RIMS1: variants seen among roughly 807,000 people sequenced by gnomAD.
RIMS1 encodes the protein regulating synaptic membrane exocytosis 1.
RIMS1 carries 83 observed loss-of-function variants against 214.1 expected under a neutral mutation model. The ratio of observed to expected loss-of-function variants is 0.39; its 90% CI spans 0.32 to 0.47. The LOEUF is 0.47. Ranked by LOEUF, RIMS1 falls within the 20% of genes least tolerant of loss-of-function variation. The pLI is 0.99. For missense variants in RIMS1, 2,050 were observed against 2,161.8 expected, an observed-to-expected ratio of 0.95 and a Z score of 1.03; for synonymous variants, 793 against 786.8, an observed-to-expected ratio of 1.01 and a Z score of -0.13.
In RIMS1 at chr6:72,082,897, G is replaced by A. The variant is rs528141284; in HGVS notation, c.246-14052G>A. Among the ~76,000 whole-genome samples the A allele has an allele frequency of 3.9e-5, 6 of 152,226 alleles. No individual in the cohort carries two copies. In the South Asian group the frequency reaches 1.0e-3, roughly 26 times the overall value. ...CATTGCACTTCTCATTTATTCCCTTGTGGCTCTGTGATTTCTGAGAAACAA... is the reference window on the plus strand; with the variant it reads ...CATTGCACTTCTCATTTATTCCCTTATGGCTCTGTGATTTCTGAGAAACAA... On this transcript the variant is annotated intron_variant, in intron 2 of 33. Transcript: ENST00000521978.
chr6:71,909,294 A>C (rs970530808), intron 1 of RIMS1, among the ~76,000 whole-genome samples: 3 of 152,206 alleles, frequency 2.0e-5, no homozygotes, highest in African/African-American at 4.8e-5. Flanking sequence ...CAAAGTGCCC[A>C]GCCTGCTGTT....
At chr6:72,388,241 A>G (rs1390304490) in intron 29 of RIMS1, among the ~76,000 whole-genome samples, 1 of 152,226 alleles carries the variant, frequency 6.6e-6, no homozygotes, top group Non-Finnish European at 1.5e-5. Context: ...CTTGAAGCAG[A>G]AATCTGAATA....
chr6:72,316,560 G>A (rs2095808730), intron 28 of RIMS1: 1 of 393,008 alleles, frequency 2.5e-6, no homozygotes, highest in Non-Finnish European at 4.9e-6. Flanking sequence ...CTGGGGATGG[G>A]AGGTGGAGGG....
intron 4 of RIMS1, among the ~76,000 whole-genome samples, chr6:72,173,365 G>A (rs1217902921): frequency 1.3e-5 from 2 of 150,736 alleles, no homozygotes; most frequent in African/African-American, 4.9e-5. Context: ...TCTCCATTCT[G>A]GGAATTTGTC....
At chr6:72,160,157 A>G (rs199992407) in intron 4 of RIMS1, among the ~76,000 whole-genome samples, 4 of 136,124 alleles carry the variant, frequency 2.9e-5, no homozygotes, top group African/African-American at 7.5e-5. Flanking sequence ...ATTGTGAATG[A>G]GAGTTCACTC....
intron 2 of RIMS1, among the ~76,000 whole-genome samples, chr6:71,994,043 G>A (rs1204955803): frequency 6.6e-6 from 1 of 152,124 alleles, no homozygotes; most frequent in Non-Finnish European, 1.5e-5. Flanking sequence ...CAAGAGCATT[G>A]TACTCTTAAG....
intron 1 of RIMS1, among the ~76,000 whole-genome samples, chr6:71,942,974 G>T (rs781294421): frequency 2.6e-5 from 4 of 151,932 alleles, no homozygotes; most frequent in Admixed American, 6.6e-5. Context: ...TACTAAAAGG[G>T]AAAGACATGT....
chr6:72,072,858 A>G (rs1297195054), intron 2 of RIMS1, among the ~76,000 whole-genome samples: 1 of 152,138 alleles, frequency 6.6e-6, no homozygotes, highest in African/African-American at 2.4e-5. Context: ...CATTCAACAA[A>G]TATTTATTGA....
At chr6:72,168,523 A>T (rs2046580326) in intron 4 of RIMS1, among the ~76,000 whole-genome samples, 1 of 152,022 alleles carries the variant, frequency 6.6e-6, no homozygotes, top group Admixed American at 6.6e-5. Flanking sequence ...AGCACTTGGG[A>T]GGGGAACATG....
chr6:72,152,838 GTATATATGGAATATATGTATATATATGTA>G (rs2043852398), intron 4 of RIMS1, among the ~76,000 whole-genome samples: 1 of 20,872 alleles, frequency 4.8e-5, no homozygotes, highest in Non-Finnish European at 7.7e-5. Context: ...GTATATATAT[GTATATATGGAATATATGTATATATATGTA>G]TATATATGGA....
chr6:72,108,903 A>G (rs2035380078), intron 4 of RIMS1, among the ~76,000 whole-genome samples: 1 of 126,224 alleles, frequency 7.9e-6, no homozygotes, highest in South Asian at 2.5e-4. Flanking sequence ...TCCTGTGTCC[A>G]TGTGTTCTCA....
chr6:72,247,160 G>A (rs113010060), intron 11 of RIMS1, among the ~76,000 whole-genome samples: 1 of 152,128 alleles, frequency 6.6e-6, no homozygotes, highest in Non-Finnish European at 1.5e-5. Flanking sequence ...GAACAGTGAA[G>A]AACTCCACCA....
chr6:72,088,615 T>C (rs991270964), intron 2 of RIMS1, among the ~76,000 whole-genome samples: 11 of 152,318 alleles, frequency 7.2e-5, no homozygotes, highest in Admixed American at 6.5e-5. Context: ...GTTGCTCTCA[T>C]AGAAGCTCTT....
chr6:72,115,469 A>G (rs1238405534), intron 4 of RIMS1, among the ~76,000 whole-genome samples: 2 of 151,940 alleles, frequency 1.3e-5, no homozygotes, highest in South Asian at 2.1e-4. Context: ...AGGTTTGTCA[A>G]TGCTCTGTAA....
In RIMS1 at chr6:72,258,229, G is replaced by A. The variant is rs763404266; in HGVS notation, c.2875G>A (p.Gly959Ser). 16 of 1,613,206 alleles carry A rather than the reference G, an allele frequency of 9.9e-6. No homozygotes were observed. Among genetic ancestry groups the A allele is most frequent in the African/African-American group, 1.3e-5 (1 of 74,864 alleles). Residue 959 changes from glycine to serine, a missense_variant, in exon 17 of 34, where the codon GGC becomes AGC. By Grantham distance (56) the Gly-to-Ser change is moderately conservative. Transcript: ENST00000521978. ...HRSRSVSPHRGNDQGKPRSRL... is the reference protein window; with the variant it reads ...HRSRSVSPHRSNDQGKPRSRL... Reference sequence around the variant, plus strand: ...CTCACGTTCAGTATCTCCTCATCGCGGCAATGATCAGGGAAAGCCGCGTTC... The same window carrying A: ...CTCACGTTCAGTATCTCCTCATCGCAGCAATGATCAGGGAAAGCCGCGTTC...
At chr6:71,959,066 G>T (rs1792141462) in intron 1 of RIMS1, among the ~76,000 whole-genome samples, 1 of 152,016 alleles carries the variant, frequency 6.6e-6, no homozygotes, top group Non-Finnish European at 1.5e-5. Context: ...GGAAAAAGAG[G>T]CCTGTGACCT....
At chr6:72,136,037 A>G (rs1177187686) in intron 4 of RIMS1, among the ~76,000 whole-genome samples, 2 of 152,220 alleles carry the variant, frequency 1.3e-5, no homozygotes, top group Non-Finnish European at 2.9e-5. Context: ...CAATGAGAGG[A>G]TAAGAATGAG....
intron 1 of RIMS1, among the ~76,000 whole-genome samples, chr6:71,935,740 C>CT (rs1324178233): frequency 1.3e-5 from 2 of 152,194 alleles, no homozygotes; most frequent in African/African-American, 4.8e-5. Flanking sequence ...ACTGGCTGGA[C>CT]TTTCTCCTGT....
chr6:72,161,126 T>C (rs2045340195), intron 4 of RIMS1, among the ~76,000 whole-genome samples: 1 of 140,594 alleles, frequency 7.1e-6, no homozygotes, highest in South Asian at 2.3e-4. Flanking sequence ...AGGGTGTATG[T>C]GTCAAGGAAT....
Sources: gnomAD v4.1 joint callset for allele counts (sites outside exome capture counted in the v4.1 genomes callset) on GRCh38, gnomAD v4.1.1 for gene constraint, MANE v1.5 for transcripts, NCBI Gene and HGNC (gene_info 2026-07-23, HGNC 2026-07-21) for gene names.